NT5DC4: variants seen among roughly 807,000 people sequenced by gnomAD.
NT5DC4 encodes 5'-nucleotidase domain containing 4.
NT5DC4 carries 44 observed loss-of-function variants against 26.6 expected under a neutral mutation model. That is an observed-to-expected ratio of 1.65 (90% confidence interval 1.30 to 2.13). The LOEUF is 2.13. NT5DC4 is among the 30% of genes most tolerant of loss of function. The probability of loss-of-function intolerance (pLI) is 0.00; values close to 1 mark genes in which losing one functional copy is unlikely to be tolerated. For synonymous variants in NT5DC4, 157 were observed against 86.7 expected (o/e 1.81, Z -4.51); for missense variants, 399 against 228.1 (o/e 1.75, Z -4.83).
rs1261254057 is a variant in NT5DC4, at chr2:112,723,176, T to G, written c.621+2T>G. 1.4e-6 allele frequency: 1 copy of G among 717,212 alleles called. No individual in the cohort carries two copies. The highest frequency in any genetic ancestry group is 1.7e-5 in the African/African-American group (1 of 57,322). The allele number at this position is 717,212 out of a possible 1,614,324, so 44.4% of individuals were successfully genotyped here. On this transcript the variant is annotated splice_donor_variant, in intron 7 of 16. Transcript: ENST00000688554. LOFTEE classifies it high-confidence loss of function. ...GCCATGAATAACATCCACCAGTCGG[T>G]GAGTGAGTGGTCCAGAACCCCCGGA...
Position 112,722,528 on chromosome 2 carries a change from G to A in NT5DC4, c.408G>A (p.Lys136=), listed in dbSNP as rs1233835529. 1.4e-6 allele frequency: 1 copy of A among 717,328 alleles called. No homozygotes were observed. The highest frequency in any genetic ancestry group is 1.7e-5 in the African/African-American group (1 of 57,260). The allele number at this position is 717,328 out of a possible 1,614,324, so 44.4% of individuals were successfully genotyped here. The change falls in exon 5 of 17, where the codon AAG becomes AAA. Residue 136 remains lysine (K), a synonymous_variant. Coordinates refer to ENST00000688554, the MANE Select transcript of NT5DC4 (RefSeq NM_001393655.1). ...AGATCTGGAGCTTCTACCCCAGCAA[G>A]TTCATTCAGAGGGACGACCTGCAGT... ...RAEIWSFYPS[K]FIQRDDLQCF...
At chr2:112,729,544 G>T in intron 15 of NT5DC4, 83 bp from the exon 16 acceptor site, 1 of 705,116 alleles carries the variant, frequency 1.4e-6, no homozygotes, top group South Asian at 1.5e-5. Context: ...CTGTGGGCAG[G>T]GGAGCCTGTG....
At position 112,724,218 on chromosome 2, in the gene NT5DC4, C is replaced by A. The variant is rs1180645069; in HGVS notation, c.789+92C>A. The A allele has an allele frequency of 5.6e-6, 4 of 710,100 alleles. No homozygotes were observed. In the East Asian group the frequency reaches 1.1e-4, roughly 19 times the overall value. 44.0% of individuals were successfully genotyped at this position (710,100 alleles called of 1,614,324 possible). On this transcript the variant is annotated intron_variant, in intron 10 of 16. Coordinates refer to ENST00000688554, the MANE Select transcript of NT5DC4 (RefSeq NM_001393655.1). ...ACCACGATGCTGAGGGCCTCTCCCA[C>A]GTCCAGCCTCCCTTTGAGGAAGACC...
chr2:112,721,424 A>G, intron 1 of NT5DC4: 3 of 715,612 alleles, frequency 4.2e-6, no homozygotes, highest in Non-Finnish European at 5.2e-6. Flanking sequence ...GTGCTATCCA[A>G]TTGTGACAAA....
upstream of NT5DC4, among the ~76,000 whole-genome samples, chr2:112,719,845 TCCC>T (rs1459558821): frequency 1.9e-4 from 20 of 106,084 alleles, no homozygotes; most frequent in African/African-American, 7.3e-4. Context: ...CTTCCTTCCC[TCCC>T]TCCCTCCCTC....
chr2:112,733,042 T>C (rs2104792932), intron 16 of NT5DC4, among the ~76,000 whole-genome samples: 1 of 152,214 alleles, frequency 6.6e-6, no homozygotes, highest in African/African-American at 2.4e-5. Flanking sequence ...TCACCCAGTT[T>C]ATTATTACTC....
At chr2:112,733,251 GTT>G (rs11309353) in intron 16 of NT5DC4, among the ~76,000 whole-genome samples, 62,467 of 147,758 alleles carry the variant, frequency 0.42, 14,648 homozygotes, top group East Asian at 0.69. Flanking sequence ...TATTTGGGTA[GTT>G]TTTTTTTTTT....
rs1164274083 is a variant in NT5DC4, at chr2:112,725,164, G to GC, written c.916-6dup. ...TCTCCTGGCTCCAGGGCACCCCTCT[G>GC]CCCCTCCAGGACTCAGGAAAGCTCC... On this transcript the variant is annotated splice_polypyrimidine_tract_variant and intron_variant, in intron 11 of 16. Coordinates refer to ENST00000688554, the MANE Select transcript of NT5DC4 (RefSeq NM_001393655.1). 5.6e-6 allele frequency: 4 copies of GC among 713,882 alleles called. No individual in the cohort carries two copies. Among genetic ancestry groups the GC allele is most frequent in the Non-Finnish European group, 1.0e-5 (4 of 382,566 alleles). The allele number at this position is 713,882 out of a possible 1,614,324, so 44.2% of individuals were successfully genotyped here. A position where few individuals can be genotyped will look rare whatever the true frequency, so the allele number is the denominator to read the frequency against.
chr2:112,738,023 A>G (rs1002870172), intron 16 of NT5DC4: 4 of 152,180 alleles, frequency 2.6e-5, no homozygotes, highest in African/African-American at 9.7e-5. Flanking sequence ...GAGGAAGAAA[A>G]AGCAACCTAC....
rs572356087 is a variant in NT5DC4, at chr2:112,721,842, G to A, written c.99G>A (p.Ala33=). The change falls in exon 2 of 17, where the codon GCG becomes GCA. Residue 33 remains alanine, a synonymous_variant. Coordinates refer to ENST00000688554, the MANE Select transcript of NT5DC4 (RefSeq NM_001393655.1). ...HQRIFVNRSL[A]LGKIRCFGFD... is the part of the protein sequence containing the mutation. ...GGATTTTTGTCAACCGCAGCCTGGC[G>A]CTGGGGAAGATTCGTTGCTTTGGCT... 2.4e-5 allele frequency: 17 copies of A among 717,226 alleles called. No individual in the cohort carries two copies. The highest frequency in any genetic ancestry group is 8.9e-5 in the South Asian group (6 of 67,602). The allele number at this position is 717,226 out of a possible 1,614,324, so 44.4% of individuals were successfully genotyped here. A position where few individuals can be genotyped will look rare whatever the true frequency, so the allele number is the denominator to read the frequency against.
intron 7 of NT5DC4, 58 bp from the exon 8 acceptor site, chr2:112,723,360 T>TGC: frequency 5.2e-6 from 1 of 191,972 alleles, no homozygotes; most frequent in Admixed American, 1.0e-4. Context: ...TGGGTACACA[T>TGC]GCACACACAC....
At chr2:112,733,221 GGAGGTAGGACA>G (rs1298046086) in intron 16 of NT5DC4, among the ~76,000 whole-genome samples, 1 of 150,506 alleles carries the variant, frequency 6.6e-6, no homozygotes, top group Admixed American at 6.6e-5. Context: ...CTCATGGGTA[GGAGGTAGGACA>G]GATACTTCTA....
downstream of NT5DC4, chr2:112,742,545 A>C (rs1680045366): frequency 4.2e-6 from 3 of 710,124 alleles, no homozygotes; most frequent in South Asian, 4.5e-5. Context: ...AATAATACAA[A>C]TAAGTCAGCT....
At chr2:112,742,266 T>TTA (rs1186542494), downstream of NT5DC4, 2 of 665,812 alleles carry the variant, frequency 3.0e-6, no homozygotes, top group African/African-American at 3.6e-5. Context: ...CTTCTAAAGG[T>TTA]TATGACCACT....
Position 112,725,560 on chromosome 2 carries a change from G to C in NT5DC4, c.1153+8G>C. ...TCTGGGCCCAGGAGAAGGGTGAGCT[G>C]TTGGGGTCTGGAACAGTCAGAGGGG... On this transcript the variant is annotated splice_region_variant and intron_variant, in intron 13 of 16. Coordinates refer to ENST00000688554, the MANE Select transcript of NT5DC4 (RefSeq NM_001393655.1). 1 of 699,838 alleles carries C rather than the reference G, an allele frequency of 1.4e-6. No individual in the cohort carries two copies. Among genetic ancestry groups the C allele is most frequent in the South Asian group, 1.5e-5 (1 of 66,030 alleles). 43.4% of individuals were successfully genotyped at this position (699,838 alleles called of 1,614,324 possible).
At position 112,723,660 on chromosome 2, in the gene NT5DC4, A is replaced by G. The variant is rs1339795419; in HGVS notation, c.673-59A>G. ...TCCCAGAAGGCTGAAACCTGAGGAG[A>G]GGATCCCAGGGCAGCTCTGGGAGTC... is the stretch of plus-strand genomic sequence containing the variant. On this transcript the variant is annotated intron_variant, in intron 8 of 16. Transcript: ENST00000688554. 4 of 701,448 alleles carry G rather than the reference A, an allele frequency of 5.7e-6. No homozygotes were observed. In the African/African-American group the frequency reaches 7.0e-5, roughly 12 times the overall value. 43.5% of individuals were successfully genotyped at this position (701,448 alleles called of 1,614,324 possible). A position where few individuals can be genotyped will look rare whatever the true frequency, so the allele number is the denominator to read the frequency against.
chr2:112,725,415 T>C lies in NT5DC4; in HGVS notation c.1016T>C (p.Val339Ala). The change falls in exon 13 of 17, where the codon GTT (valine) becomes GCT (alanine). Residue 339 changes from valine (V) to alanine (A), a missense_variant. Coordinates refer to ENST00000688554, the MANE Select transcript of NT5DC4 (RefSeq NM_001393655.1). ...GACATGGTGTGCGAGCTGCTTGGGG[T>C]TCGGGGGATGGACATCCTGTACATT... ...SSDMVCELLG[V>A]RGMDILYIGD... 4.2e-6 allele frequency: 3 copies of C among 714,444 alleles called. No homozygotes were observed. The highest frequency in any genetic ancestry group is 1.5e-5 in the South Asian group (1 of 67,472). 44.3% of individuals were successfully genotyped at this position (714,444 alleles called of 1,614,324 possible).
chr2:112,724,870 C>T lies in NT5DC4; in HGVS notation c.879C>T (p.Val293=). ...CCCACTTCTTTGCAGAGGGGTTGGT[C>T]CTGAGGCAGGTCAACACGGTAATGG... ...QKPHFFAEGL[V]LRQVNTVMAG... is the part of the protein sequence containing the mutation. The change falls in exon 11 of 17, where the codon GTC becomes GTT. Residue 293 remains valine (V), a synonymous_variant. Transcript: ENST00000688554. 1.4e-6 allele frequency: 1 copy of T among 717,132 alleles called. No homozygotes were observed. Among genetic ancestry groups the T allele is most frequent in the Non-Finnish European group, 2.6e-6 (1 of 384,998 alleles). The allele number at this position is 717,132 out of a possible 1,614,324, so 44.4% of individuals were successfully genotyped here.
intron 16 of NT5DC4, 46 bp downstream of exon 16, chr2:112,729,750 G>A (rs1366221839): frequency 2.8e-6 from 2 of 716,934 alleles, no homozygotes; most frequent in East Asian, 2.7e-5. Context: ...GGTCCCATGG[G>A]CTAGAGTAGT....
Sources: gnomAD v4.1 joint callset for allele counts (sites outside exome capture counted in the v4.1 genomes callset) on GRCh38, gnomAD v4.1.1 for gene constraint, MANE v1.5 for transcripts, NCBI Gene and HGNC (gene_info 2026-07-23, HGNC 2026-07-21) for gene names.